The following NUP205 variants were observed in gnomAD, a reference collection of about 807,000 sequenced individuals.
NUP205 encodes nuclear pore complex protein Nup205.
In NUP205, 76 loss-of-function variants were observed where a neutral mutation model predicts 253.8. That is an observed-to-expected ratio of 0.30 (90% confidence interval 0.25 to 0.36). NUP205 has a LOEUF of 0.36. NUP205 is among the 10% of genes least tolerant of loss of function. The probability of loss-of-function intolerance (pLI) is 1.00; values close to 1 mark genes in which losing one functional copy is unlikely to be tolerated. For synonymous variants in NUP205, 832 were observed against 850.1 expected (o/e 0.98, Z 0.37); for missense variants, 2,162 against 2,425.5 (o/e 0.89, Z 2.28).
chr7:135,563,059 A>T (rs561757659), intron 1 of NUP205, among the ~76,000 whole-genome samples: 27 of 152,268 alleles, frequency 1.8e-4, no homozygotes, highest in Middle Eastern at 6.8e-3. Flanking sequence ...CAGCCTAGTT[A>T]TCACTTCCTC....
chr7:135,647,688 CTG>C (rs1795035657), intron 42 of NUP205, among the ~76,000 whole-genome samples: 2 of 152,106 alleles, frequency 1.3e-5, no homozygotes, highest in African/African-American at 4.8e-5. Flanking sequence ...GAAGTAATAA[CTG>C]TTACTATTTC....
intron 11 of NUP205, 61 bp downstream of exon 11, chr7:135,591,661 A>G: frequency 6.9e-7 from 1 of 1,446,250 alleles, no homozygotes; most frequent in Non-Finnish European, 9.5e-7. Context: ...TCAGTATCCC[A>G]CTACCTATTA....
intron 38 of NUP205, among the ~76,000 whole-genome samples, chr7:135,641,576 C>T (rs980800867): frequency 6.6e-6 from 1 of 151,784 alleles, no homozygotes; most frequent in Non-Finnish European, 1.5e-5. Flanking sequence ...AGAGACCAGC[C>T]TGGGCAATAT....
At chr7:135,585,388 T>C (rs1806429572) in intron 8 of NUP205, among the ~76,000 whole-genome samples, 1 of 152,190 alleles carries the variant, frequency 6.6e-6, no homozygotes, top group African/African-American at 2.4e-5. Flanking sequence ...ACATAGTGAA[T>C]GGTTTATAAA....
At chr7:135,590,198 G>T (rs531646256) in intron 10 of NUP205, among the ~76,000 whole-genome samples, 1 of 150,960 alleles carries the variant, frequency 6.6e-6, no homozygotes, top group African/African-American at 2.4e-5. Context: ...TGCAACCTCC[G>T]CCTCCTGGGT....
At chr7:135,570,844 ATTACATATAT>A in intron 1 of NUP205, among the ~76,000 whole-genome samples, 1 of 71,434 alleles carries the variant, frequency 1.4e-5, no homozygotes, top group Non-Finnish European at 2.7e-5. Flanking sequence ...TATATTATAT[ATTACATATAT>A]TATATATAAA....
rs953965310 is a variant in NUP205, at chr7:135,618,408, T to A, written c.3772-4T>A. 6 of 1,613,224 alleles carry A rather than the reference T, an allele frequency of 3.7e-6. No homozygotes were observed. Among genetic ancestry groups the A allele is most frequent in the Non-Finnish European group, 5.1e-6 (6 of 1,179,494 alleles). On this transcript the variant is annotated splice_polypyrimidine_tract_variant and splice_region_variant and intron_variant, in intron 27 of 42. Transcript: ENST00000285968. ...ACCTTGTGATTCAATTCCTGTGGCT[T>A]TAGGAAATCAGCACTGTACTTCAGT...
intron 18 of NUP205, 68 bp downstream of exon 18, chr7:135,603,062 T>C: frequency 2.4e-6 from 3 of 1,233,976 alleles, no homozygotes; most frequent in Non-Finnish European, 3.4e-6. Context: ...TTTTCAAATC[T>C]GGTTAGGTAT....
rs1245918570 is a variant in NUP205 at position 135,645,398 on chromosome 7, TCTC to T, written c.5684-65_5684-63del. The T allele has an allele frequency of 8.0e-5, 122 of 1,516,474 alleles. 1 individual carries two copies. In the South Asian group the frequency reaches 1.2e-3, roughly 14 times the overall value. 93.9% of individuals were successfully genotyped at this position (1,516,474 alleles called of 1,614,324 possible). ...GTGAGTGCAGTCTGTCCTTTTTTCT[TCTC>T]CTCCGAAACTGGTGTGTAAAACATA... On this transcript the variant is annotated intron_variant, in intron 40 of 42. Coordinates refer to ENST00000285968, the MANE Select transcript of NUP205 (RefSeq NM_015135.3).
intron 1 of NUP205, among the ~76,000 whole-genome samples, chr7:135,565,558 G>C (rs4728359): frequency 0.4 from 60,074 of 151,464 alleles, 12,412 homozygotes; most frequent in Middle Eastern, 0.58. Flanking sequence ...TCAGCCTCCC[G>C]AGTAGCTGGG....
chr7:135,637,849 T>C lies in NUP205; in HGVS notation c.5137-82T>C, dbSNP rs933769627. The C allele has an allele frequency of 1.1e-4, 149 of 1,308,368 alleles. No individual in the cohort carries two copies. The South Asian group carries it at 1.5e-3, about 13-fold the overall frequency. The allele number at this position is 1,308,368 out of a possible 1,614,324, so 81.0% of individuals were successfully genotyped here. On this transcript the variant is annotated intron_variant, in intron 36 of 42. Coordinates refer to ENST00000285968, the MANE Select transcript of NUP205 (RefSeq NM_015135.3). ...CTTAAGGACTGATTCCATTCTCCAC[T>C]GAGTTTTTCTTGTTTCTATCCCTCA...
At chr7:135,643,046 G>A (rs1260047288) in intron 38 of NUP205, 146 bp from the exon 39 acceptor site, 4 of 634,864 alleles carry the variant, frequency 6.3e-6, no homozygotes, top group Non-Finnish European at 1.1e-5. Flanking sequence ...ATTATAAATG[G>A]CATTTAAAAG....
chr7:135,597,973 A>G (rs1448508149), intron 14 of NUP205, 25 bp from the exon 15 acceptor site: 1 of 1,592,762 alleles, frequency 6.3e-7, no homozygotes, highest in Non-Finnish European at 8.6e-7. Context: ...TTTATTACCA[A>G]GTTTTCTTTC....
chr7:135,620,274 C>G (rs964206936), intron 30 of NUP205, among the ~76,000 whole-genome samples: 1 of 152,222 alleles, frequency 6.6e-6, no homozygotes, highest in East Asian at 1.9e-4. Flanking sequence ...TGGCTCACGC[C>G]TGTAATCCTA....
rs143280370 is a variant in NUP205 at position 135,644,646 on chromosome 7, G to C, written c.5560-249G>C. Among the ~76,000 whole-genome samples, 65 of 152,302 alleles carry C rather than the reference G, an allele frequency of 4.3e-4. 1 individual carries two copies. The East Asian group carries it at 9.1e-3, about 21-fold the overall frequency. ...TGACAGGAAATTCAGGGTTTCATCA[G>C]CAACCCTGACTGTGTTTCAGGGACA... On this transcript the variant is annotated intron_variant, in intron 39 of 42. Transcript: ENST00000285968.
At chr7:135,597,114 A>T in intron 13 of NUP205, 2 of 409,322 alleles carry the variant, frequency 4.9e-6, no homozygotes, top group East Asian at 7.3e-5. Flanking sequence ...TCTGAGAGGA[A>T]ATTTGCTGAA....
chr7:135,627,898 C>A, intron 33 of NUP205, 75 bp from the exon 34 acceptor site: 1 of 1,439,988 alleles, frequency 6.9e-7, no homozygotes, highest in Non-Finnish European at 9.6e-7. Context: ...ATTTATTTGC[C>A]ATATCAGTGT....
In NUP205 at chr7:135,618,504, A is replaced by G; in HGVS notation, c.3864A>G (p.Gln1288=). The change falls in exon 28 of 43, where the codon CAA becomes CAG. Residue 1288 remains glutamine (Q), a synonymous_variant. Coordinates refer to ENST00000285968, the MANE Select transcript of NUP205 (RefSeq NM_015135.3). ...GTCATGCTCTGGAGTCGTGGAGGCA[A>G]CTAGTAGAAATTATACTGACAGCTT... ...AKRHALESWR[Q]LVEIILTACP... The G allele has an allele frequency of 6.2e-7, 1 of 1,614,142 alleles. No homozygotes were observed. Among genetic ancestry groups the G allele is most frequent in the Non-Finnish European group, 8.5e-7 (1 of 1,180,000 alleles).
In NUP205 at chr7:135,607,029, G is replaced by C. The variant is rs2129490725; in HGVS notation, c.3070+114G>C. The C allele has an allele frequency of 4.0e-6, 5 of 1,238,218 alleles. No individual in the cohort carries two copies. The East Asian group carries it at 1.2e-4, about 29-fold the overall frequency. The allele number at this position is 1,238,218 out of a possible 1,614,324, so 76.7% of individuals were successfully genotyped here. ...TCATTGAAAGAAAAAGTGTAAGAAA[G>C]GTAATGTGATGGATGGGTCAGTTCT... On this transcript the variant is annotated intron_variant, in intron 21 of 42. Transcript: ENST00000285968.
Sources: allele counts gnomAD v4.1 joint callset (sites outside exome capture counted in the v4.1 genomes callset), GRCh38; gene constraint gnomAD v4.1.1; transcripts MANE v1.5; gene names NCBI Gene and HGNC (gene_info 2026-07-23, HGNC 2026-07-21).